FNBP1L: variants seen among roughly 807,000 people sequenced by gnomAD.
The protein encoded by FNBP1L is formin binding protein 1 like.
A neutral mutation model predicts 91.2 loss-of-function variants in FNBP1L; 36 were observed. That is an observed-to-expected ratio of 0.39 (90% CI 0.30 to 0.52). FNBP1L has a LOEUF of 0.52. FNBP1L is among the 20% of genes least tolerant of loss of function. FNBP1L has a pLI of 0.66. For synonymous variants in FNBP1L, 242 were observed against 237.0 expected (o/e 1.02, Z -0.19); for missense variants, 571 against 732.1 (o/e 0.78, Z 2.54).
Position 93,449,272 on chromosome 1 carries a change from C to G in FNBP1L, c.24+967C>G, listed in dbSNP as rs547354864. On this transcript the variant is annotated intron_variant, in intron 1 of 16. Coordinates refer to ENST00000271234, the MANE Select transcript of FNBP1L (RefSeq NM_001164473.3). Reference sequence around the variant, plus strand: ...GTCGAGGTGTGGAGGGCAGTGATTTCTCAGGTGCGGAGGGCAGTGATTTCT... The same window carrying G: ...GTCGAGGTGTGGAGGGCAGTGATTTGTCAGGTGCGGAGGGCAGTGATTTCT... 2.4e-4 allele frequency among the ~76,000 whole-genome samples: 36 copies of G among 149,506 alleles called. No homozygotes were observed. In the East Asian group the frequency reaches 6.8e-3, roughly 28 times the overall value.
At chr1:93,491,027 C>T (rs533221778) in intron 1 of FNBP1L, among the ~76,000 whole-genome samples, 36 of 151,428 alleles carry the variant, frequency 2.4e-4, no homozygotes, top group South Asian at 6.3e-4. Flanking sequence ...GCAGCCTCAA[C>T]CTCCCAGGCT....
At chr1:93,463,526 G>C (rs1668969877) in intron 1 of FNBP1L, among the ~76,000 whole-genome samples, 1 of 152,070 alleles carries the variant, frequency 6.6e-6, no homozygotes, top group African/African-American at 2.4e-5. Context: ...TATTAAATCT[G>C]AGTTCTCACT....
intron 7 of FNBP1L, 120 bp from the exon 8 acceptor site, chr1:93,532,802 A>T: frequency 1.5e-6 from 1 of 653,166 alleles, no homozygotes. Context: ...AAAGGTATTA[A>T]CAACAGTGTA....
At position 93,532,935 on chromosome 1, in the gene FNBP1L, T is replaced by C; in HGVS notation, c.653T>C (p.Met218Thr). Residue 218 changes from methionine (M) to threonine (T), a missense_variant, in exon 8 of 17, where the codon ATG becomes ACG. Coordinates refer to ENST00000271234, the MANE Select transcript of FNBP1L (RefSeq NM_001164473.3). ...CTTGATTATTAGCAACTACAAGAAATGGACGAACGAAGGACTATTAAACTC... is the reference window on the plus strand; with the variant it reads ...CTTGATTATTAGCAACTACAAGAAACGGACGAACGAAGGACTATTAAACTC... ...IPQIYKQLQE[M>T]DERRTIKLSE... The C allele has an allele frequency of 1.2e-6, 2 of 1,601,420 alleles. No homozygotes were observed. Among genetic ancestry groups the C allele is most frequent in the Non-Finnish European group, 8.5e-7 (1 of 1,173,504 alleles).
At chr1:93,548,182 A>G (rs994457152) in intron 14 of FNBP1L, among the ~76,000 whole-genome samples, 4 of 152,180 alleles carry the variant, frequency 2.6e-5, no homozygotes, top group African/African-American at 9.6e-5. Context: ...CATATCTTTA[A>G]TCTGTTAAGA....
chr1:93,477,747 G>C (rs1669547481), intron 1 of FNBP1L, among the ~76,000 whole-genome samples: 1 of 152,318 alleles, frequency 6.6e-6, no homozygotes, highest in Admixed American at 6.5e-5. Flanking sequence ...AAATACTTGA[G>C]TCTAATTTGA....
intron 2 of FNBP1L, among the ~76,000 whole-genome samples, chr1:93,512,335 A>T (rs962860394): frequency 3.3e-5 from 5 of 151,690 alleles, no homozygotes; most frequent in Non-Finnish European, 7.4e-5. Flanking sequence ...AGACTTTAAC[A>T]CCCCACTGTC....
chr1:93,551,067 C>T lies in FNBP1L; in HGVS notation c.1772C>T (p.Thr591Met), dbSNP rs756502988. The change falls in exon 16 of 17, where the codon ACG becomes ATG. Residue 591 changes from threonine to methionine, a missense_variant. By Grantham distance (81) the Thr-to-Met change is moderately conservative (BLOSUM62 -1). Around this residue, in one of 5 missense-constraint regions of FNBP1L, gnomAD observed 189 missense variants for 219.7 expected, o/e 0.86. Transcript: ENST00000271234. ...RQNGEEGYVPTSYIDVTLEKN... is the reference protein window; with the variant it reads ...RQNGEEGYVPMSYIDVTLEKN... ...AACGGTGAAGAAGGCTACGTTCCCA[C>T]GTCATACATAGATGTAACTCTAGAG... is the stretch of plus-strand genomic sequence containing the variant. 3 of 1,611,966 alleles carry T rather than the reference C, an allele frequency of 1.9e-6. No homozygotes were observed. The highest frequency in any genetic ancestry group is 2.5e-6 in the Non-Finnish European group (3 of 1,178,924).
At chr1:93,524,599 TTTACTTTAAAGTAG>T (rs1391567992) in intron 5 of FNBP1L, among the ~76,000 whole-genome samples, 1 of 150,560 alleles carries the variant, frequency 6.6e-6, no homozygotes, top group East Asian at 1.9e-4. Flanking sequence ...TTTTTTTTTT[TTTACTTTAAAGTAG>T]TTACTATAAA....
Position 93,448,218 on chromosome 1 carries a change from G to A in FNBP1L, c.-64G>A. The A allele has an allele frequency of 6.6e-7, 1 of 1,516,784 alleles. No individual in the cohort carries two copies. The highest frequency in any genetic ancestry group is 8.8e-7 in the Non-Finnish European group (1 of 1,131,898). 94.0% of individuals were successfully genotyped at this position (1,516,784 alleles called of 1,614,324 possible). Reference sequence around the variant, plus strand: ...CCGCCGGCCAGCGAGTGAGAGGTCGGACAGACTGTGGAGCCGACAGACTGA... The same window carrying A: ...CCGCCGGCCAGCGAGTGAGAGGTCGAACAGACTGTGGAGCCGACAGACTGA... On this transcript the variant is annotated 5_prime_UTR_variant, in exon 1 of 17. Transcript: ENST00000271234.
intron 16 of FNBP1L, chr1:93,552,106 T>C: frequency 8.8e-7 from 1 of 1,135,408 alleles, no homozygotes; most frequent in Non-Finnish European, 1.1e-6. Context: ...TCATTAGTTA[T>C]TAGGATAGAT....
At chr1:93,514,644 C>T (rs904700511) in intron 2 of FNBP1L, among the ~76,000 whole-genome samples, 1 of 152,076 alleles carries the variant, frequency 6.6e-6, no homozygotes, top group Non-Finnish European at 1.5e-5. Context: ...CTTTGACAAA[C>T]CTGAGAAAAA....
chr1:93,525,201 T>C (rs1481223096), intron 5 of FNBP1L, among the ~76,000 whole-genome samples: 1 of 152,128 alleles, frequency 6.6e-6, no homozygotes, highest in Non-Finnish European at 1.5e-5. Context: ...TTGAAAATTA[T>C]GCCGAAGGGA....
chr1:93,451,771 C>A (rs1249570844), intron 1 of FNBP1L, among the ~76,000 whole-genome samples: 2 of 152,052 alleles, frequency 1.3e-5, no homozygotes, highest in Non-Finnish European at 2.9e-5. Flanking sequence ...CCCACCTCAG[C>A]CCCCCGAGTA....
intron 1 of FNBP1L, among the ~76,000 whole-genome samples, chr1:93,467,611 A>G (rs530739239): frequency 6.6e-6 from 1 of 152,250 alleles, no homozygotes; most frequent in East Asian, 1.9e-4. Context: ...ACTGAACTGT[A>G]CACTTAAAAA....
At chr1:93,552,265 A>G (rs956500359) in intron 16 of FNBP1L, 144 bp from the exon 17 acceptor site, 13 of 1,442,840 alleles carry the variant, frequency 9.0e-6, no homozygotes, top group African/African-American at 7.2e-5. Context: ...AATTTTGCCC[A>G]TGTTTTAAAT....
Position 93,451,888 on chromosome 1 carries a change from G to A in FNBP1L, c.24+3583G>A, listed in dbSNP as rs570423715. Among the ~76,000 whole-genome samples the A allele has an allele frequency of 1.5e-4, 23 of 152,254 alleles. No homozygotes were observed. The South Asian group carries it at 4.8e-3, about 32-fold the overall frequency. On this transcript the variant is annotated intron_variant, in intron 1 of 16. Transcript: ENST00000271234. ...GCTGGTCTTGAACTCCTGACATTGT[G>A]ATCCGCCCGCCTCGGCCTCTCAAAG... is the stretch of plus-strand genomic sequence containing the variant.
chr1:93,455,414 C>CCT (rs1668630055), intron 1 of FNBP1L, among the ~76,000 whole-genome samples: 1 of 152,240 alleles, frequency 6.6e-6, no homozygotes, highest in Admixed American at 6.5e-5. Context: ...GTCGTGAACT[C>CCT]CTGGCCTCAA....
At chr1:93,474,235 T>G (rs1031947925) in intron 1 of FNBP1L, among the ~76,000 whole-genome samples, 3 of 151,786 alleles carry the variant, frequency 2.0e-5, no homozygotes, top group African/African-American at 4.8e-5. Context: ...AAAGTGAGAC[T>G]CCGTCTCAAA....
Sources: gnomAD v4.1 joint callset for allele counts (sites outside exome capture counted in the v4.1 genomes callset) on GRCh38, gnomAD v4.1.1 for gene constraint, gnomAD v4.1.1 regional missense constraint, MANE v1.5 for transcripts, NCBI Gene and HGNC (gene_info 2026-07-23, HGNC 2026-07-21) for gene names.